PDE10A: variants seen among roughly 807,000 people sequenced by gnomAD.
PDE10A encodes the protein cAMP and cAMP-inhibited cGMP 3',5'-cyclic phosphodiesterase 10A.
Under a neutral mutation model 97.7 loss-of-function variants are expected in PDE10A, and 39 were observed. The observed-to-expected ratio is 0.40, with a 90% confidence interval of 0.31 to 0.52. PDE10A has a LOEUF of 0.52. Among genes scored for constraint, PDE10A ranks in the 20% least tolerant of loss-of-function variants. The pLI, the probability that PDE10A is intolerant of heterozygous loss-of-function variation, is 0.56. For missense variants in PDE10A, 731 were observed against 1,047.8 expected (o/e 0.70, Z 4.17); for synonymous variants, 371 against 376.8 (o/e 0.98, Z 0.18).
intron 1 of PDE10A, among the ~76,000 whole-genome samples, chr6:165,793,530 A>T (rs181976302): frequency 1.1e-3 from 169 of 152,160 alleles, no homozygotes; most frequent in Admixed American, 1.4e-3. Context: ...CGCTCCCTGA[A>T]ATCTTCCTGC....
chr6:165,612,143 G>C (rs1228738954), intron 1 of PDE10A, among the ~76,000 whole-genome samples: 1 of 152,172 alleles, frequency 6.6e-6, no homozygotes, highest in African/African-American at 2.4e-5. Flanking sequence ...ATGTTATCTA[G>C]ACCAAATGAG....
At chr6:165,365,431 C>T (rs1225409523) in intron 18 of PDE10A, among the ~76,000 whole-genome samples, 1 of 152,180 alleles carries the variant, frequency 6.6e-6, no homozygotes, top group Admixed American at 6.5e-5. Flanking sequence ...CATGATGGCT[C>T]ATACCTGTAA....
chr6:165,979,882 C>T (rs1784959779), intron 1 of PDE10A, among the ~76,000 whole-genome samples: 1 of 152,218 alleles, frequency 6.6e-6, no homozygotes, highest in African/African-American at 2.4e-5. Flanking sequence ...TCAGAAAGAA[C>T]ATTCATGTCC....
At chr6:165,384,670 A>C (rs966317138) in intron 17 of PDE10A, among the ~76,000 whole-genome samples, 3 of 30,482 alleles carry the variant, frequency 9.8e-5, no homozygotes, top group African/African-American at 2.5e-4. Context: ...GTGTGTGTGT[A>C]TGGGGGGGGG....
At chr6:165,920,244 T>C (rs1424796864) in intron 1 of PDE10A, among the ~76,000 whole-genome samples, 10 of 152,136 alleles carry the variant, frequency 6.6e-5, no homozygotes, top group Admixed American at 6.5e-4. Flanking sequence ...AAAACTACAA[T>C]GCCATGTAGT....
intron 2 of PDE10A, among the ~76,000 whole-genome samples, chr6:165,539,686 C>G (rs1444670973): frequency 1.3e-5 from 2 of 152,070 alleles, no homozygotes; most frequent in Non-Finnish European, 2.9e-5. Flanking sequence ...CTCCGGGAGG[C>G]TGGGGTGGGG....
At chr6:165,454,676 G>C (rs1777842602) in intron 3 of PDE10A, among the ~76,000 whole-genome samples, 1 of 152,018 alleles carries the variant, frequency 6.6e-6, no homozygotes, top group Non-Finnish European at 1.5e-5. Flanking sequence ...CCTTGACCTT[G>C]GGCTTCTCTG....
At chr6:165,393,917 T>C (rs980795344) in intron 15 of PDE10A, among the ~76,000 whole-genome samples, 2 of 152,198 alleles carry the variant, frequency 1.3e-5, no homozygotes, top group Non-Finnish European at 2.9e-5. Context: ...GGAAAAGATC[T>C]GCAATGAAAT....
chr6:165,701,827 T>C (rs910845803), intron 1 of PDE10A, among the ~76,000 whole-genome samples: 2 of 152,066 alleles, frequency 1.3e-5, no homozygotes, highest in African/African-American at 4.8e-5. Context: ...GTGCATGTGG[T>C]GAGTGTGTCT....
At chr6:165,720,833 G>A (rs1270838324) in intron 1 of PDE10A, among the ~76,000 whole-genome samples, 2 of 152,148 alleles carry the variant, frequency 1.3e-5, no homozygotes, top group African/African-American at 2.4e-5. Flanking sequence ...ATGGAAGGTG[G>A]TCTCCACTCT....
At chr6:165,792,246 CT>C (rs1770204904) in intron 1 of PDE10A, among the ~76,000 whole-genome samples, 1 of 152,216 alleles carries the variant, frequency 6.6e-6, no homozygotes, top group Admixed American at 6.5e-5. Context: ...GTTTTCACCC[CT>C]AAGATGAGTC....
At chr6:165,619,258 T>TGTAGTGTAGTCTAGC (rs1338705152) in intron 1 of PDE10A, among the ~76,000 whole-genome samples, 1 of 149,064 alleles carries the variant, frequency 6.7e-6, no homozygotes, top group Non-Finnish European at 1.5e-5. Flanking sequence ...TGTAGTCTAG[T>TGTAGTGTAGTCTAGC]GTAGTGTAGT....
intron 1 of PDE10A, among the ~76,000 whole-genome samples, chr6:165,847,246 G>A (rs775521868): frequency 2.0e-5 from 3 of 152,194 alleles, no homozygotes; most frequent in African/African-American, 2.4e-5. Context: ...CAGGGGTACC[G>A]GGAGCTTGGC....
chr6:165,920,473 C>T (rs1038391509), intron 1 of PDE10A, among the ~76,000 whole-genome samples: 7 of 152,000 alleles, frequency 4.6e-5, no homozygotes, highest in African/African-American at 9.7e-5. Context: ...AAGAATGAGA[C>T]CATTGGTCTT....
intron 1 of PDE10A, among the ~76,000 whole-genome samples, chr6:165,760,160 T>A (rs1793215803): frequency 6.6e-6 from 1 of 152,228 alleles, no homozygotes. Context: ...TATTTCATGT[T>A]CTCCTCTTAC....
intron 2 of PDE10A, among the ~76,000 whole-genome samples, chr6:165,521,572 G>T (rs944056236): frequency 2.0e-5 from 3 of 152,170 alleles, no homozygotes; most frequent in Non-Finnish European, 4.4e-5. Flanking sequence ...CTTTATTGCT[G>T]ATAGGAGAAA....
chr6:165,683,043 C>T (rs896829568), intron 1 of PDE10A, among the ~76,000 whole-genome samples: 1 of 152,198 alleles, frequency 6.6e-6, no homozygotes, highest in African/African-American at 2.4e-5. Flanking sequence ...CCTGCATAGA[C>T]GGTTGCACCT....
At chr6:165,570,126 T>C (rs1583561294) in intron 1 of PDE10A, among the ~76,000 whole-genome samples, 1 of 152,140 alleles carries the variant, frequency 6.6e-6, no homozygotes, top group Non-Finnish European at 1.5e-5. Context: ...TAAAATGAGG[T>C]CCATAGGGTG....
chr6:165,876,895 G>A (rs138887218), intron 1 of PDE10A, among the ~76,000 whole-genome samples: 1 of 152,312 alleles, frequency 6.6e-6, no homozygotes, highest in African/African-American at 2.4e-5. Context: ...AGGAGCAGCT[G>A]TACGAAAACA....
Sources: allele counts gnomAD v4.1 joint callset (sites outside exome capture counted in the v4.1 genomes callset), GRCh38; gene constraint gnomAD v4.1.1; transcripts MANE v1.5; gene names NCBI Gene and HGNC (gene_info 2026-07-23, HGNC 2026-07-21).